SNAP25: variants seen among roughly 807,000 people sequenced by gnomAD.
SNAP25 encodes synaptosomal-associated protein 25.
A neutral mutation model predicts 28.7 loss-of-function variants in SNAP25; 3 were observed. That is an observed-to-expected ratio of 0.10 (90% CI 0.05 to 0.27). The LOEUF (loss-of-function observed/expected upper bound fraction) is 0.27, where lower values mean the gene tolerates loss of function less well. SNAP25 is among the 10% of genes least tolerant of loss of function. SNAP25 has a pLI of 1.00. For synonymous variants in SNAP25, 61 were observed against 88.1 expected, an observed-to-expected ratio of 0.69 and a Z score of 1.72; for missense variants, 117 against 278.7, an observed-to-expected ratio of 0.42 and a Z score of 4.13.
At chr20:10,297,998 AC>A (rs1436505787) in intron 6 of SNAP25, among the ~76,000 whole-genome samples, 1 of 151,730 alleles carries the variant, frequency 6.6e-6, no homozygotes, top group Non-Finnish European at 1.5e-5. Flanking sequence ...AAAAAAAAAA[AC>A]TCAAGTTACA....
At chr20:10,273,636 C>T (rs546032926) in intron 1 of SNAP25, among the ~76,000 whole-genome samples, 1 of 152,312 alleles carries the variant, frequency 6.6e-6, no homozygotes, top group South Asian at 2.1e-4. Context: ...GACAGGGACA[C>T]ACTTTGTTCT....
intron 4 of SNAP25, 78 bp downstream of exon 4, chr20:10,284,850 A>G (rs2063844713): frequency 1.7e-6 from 2 of 1,187,030 alleles, no homozygotes; most frequent in East Asian, 2.3e-5. Context: ...GCATACGCAG[A>G]TGGTCGCTTT....
chr20:10,286,805 G>T lies in SNAP25; in HGVS notation c.163+2033G>T, dbSNP rs74364460. On this transcript the variant is annotated intron_variant, in intron 4 of 7. Coordinates refer to ENST00000254976, the MANE Select transcript of SNAP25 (RefSeq NM_130811.4). ...TCCTTCAATTTTCACAATACAAATT[G>T]TCAAAAGTTGTACACAAATAACAAA... is the stretch of plus-strand genomic sequence containing the variant. Among the ~76,000 whole-genome samples, 33 of 152,136 alleles carry T rather than the reference G, an allele frequency of 2.2e-4. No individual in the cohort carries two copies. In the East Asian group the frequency reaches 6.0e-3, roughly 28 times the overall value.
At chr20:10,289,957 A>G (rs2063962906) in intron 4 of SNAP25, among the ~76,000 whole-genome samples, 1 of 151,964 alleles carries the variant, frequency 6.6e-6, no homozygotes, top group Non-Finnish European at 1.5e-5. Context: ...TCTGGCCCCA[A>G]CATATAGTGT....
At chr20:10,263,175 T>C (rs1171743963) in intron 1 of SNAP25, among the ~76,000 whole-genome samples, 1 of 151,926 alleles carries the variant, frequency 6.6e-6, no homozygotes, top group Non-Finnish European at 1.5e-5. Flanking sequence ...CCCGCCACCA[T>C]GCCCGGCTAA....
chr20:10,240,645 C>T (rs918324733), intron 1 of SNAP25, among the ~76,000 whole-genome samples: 1 of 152,192 alleles, frequency 6.6e-6, no homozygotes, highest in Admixed American at 6.5e-5. Context: ...GAGCCTTGGT[C>T]CACATCACAC....
intron 2 of SNAP25, among the ~76,000 whole-genome samples, chr20:10,276,475 A>C (rs754121173): frequency 2.2e-4 from 34 of 152,252 alleles, no homozygotes; most frequent in Admixed American, 5.2e-4. Context: ...TATGAATAAC[A>C]CAAAAAGAGG....
chr20:10,271,886 G>T (rs929223211), intron 1 of SNAP25, among the ~76,000 whole-genome samples: 1 of 152,182 alleles, frequency 6.6e-6, no homozygotes, highest in Non-Finnish European at 1.5e-5. Flanking sequence ...AAGGTCAATG[G>T]CTTGCTTAGG....
chr20:10,274,265 C>A (rs59407431), intron 1 of SNAP25, among the ~76,000 whole-genome samples: 15,182 of 151,986 alleles, frequency 0.1, 968 homozygotes, highest in East Asian at 0.18. Context: ...AAGGACCCAC[C>A]CTCTTTGGAG....
chr20:10,267,677 G>A (rs1172343662), intron 1 of SNAP25, among the ~76,000 whole-genome samples: 1 of 151,896 alleles, frequency 6.6e-6, no homozygotes, highest in Non-Finnish European at 1.5e-5. Context: ...TCAGCCTCCC[G>A]AGTGCCTGGG....
In SNAP25 at chr20:10,302,530, C is replaced by T. The variant is rs369213125; in HGVS notation, c.552+3118C>T. Among the ~76,000 whole-genome samples the T allele has an allele frequency of 3.3e-4, 51 of 152,290 alleles. 1 individual carries two copies. Among genetic ancestry groups the T allele is most frequent in the African/African-American group, 1.1e-3 (47 of 41,560 alleles). Reference sequence around the variant, plus strand: ...CATGGTCTGAAGTTGAAGAGATTCCCGGAGCGTTCAGAAGATGGGCTGAAC... The same window carrying T: ...CATGGTCTGAAGTTGAAGAGATTCCTGGAGCGTTCAGAAGATGGGCTGAAC... On this transcript the variant is annotated intron_variant, in intron 7 of 7. Coordinates refer to ENST00000254976, the MANE Select transcript of SNAP25 (RefSeq NM_130811.4).
At chr20:10,222,619 G>C (rs566233425) in intron 1 of SNAP25, among the ~76,000 whole-genome samples, 1 of 152,290 alleles carries the variant, frequency 6.6e-6, no homozygotes, top group South Asian at 2.1e-4. Flanking sequence ...CTCTAAAGTT[G>C]ATTTCTGAGC....
At chr20:10,295,936 T>C (rs906893478) in intron 5 of SNAP25, among the ~76,000 whole-genome samples, 1 of 152,154 alleles carries the variant, frequency 6.6e-6, no homozygotes, top group African/African-American at 2.4e-5. Context: ...TCTCCTCCAT[T>C]ACAACCCCAG....
At chr20:10,283,040 C>T (rs1351967161) in intron 3 of SNAP25, among the ~76,000 whole-genome samples, 2 of 152,160 alleles carry the variant, frequency 1.3e-5, no homozygotes, top group Non-Finnish European at 2.9e-5. Flanking sequence ...TCAGAATCTA[C>T]ATTTTACAAG....
At chr20:10,231,845 TA>T (rs1389594517) in intron 1 of SNAP25, among the ~76,000 whole-genome samples, 9 of 152,186 alleles carry the variant, frequency 5.9e-5, no homozygotes, top group African/African-American at 2.2e-4. Flanking sequence ...TTACAAAATC[TA>T]AAAATATCTG....
At chr20:10,287,307 T>A (rs1355377608) in intron 4 of SNAP25, among the ~76,000 whole-genome samples, 4 of 151,240 alleles carry the variant, frequency 2.6e-5, no homozygotes, top group Non-Finnish European at 4.4e-5. Context: ...CAAACAAATT[T>A]ACAAGAAAAA....
chr20:10,291,419 T>C (rs533903826), intron 4 of SNAP25, among the ~76,000 whole-genome samples: 1 of 152,262 alleles, frequency 6.6e-6, no homozygotes, highest in East Asian at 1.9e-4. Context: ...GTGCCTGTAT[T>C]TATTCGGCAA....
In SNAP25 at chr20:10,242,054, G is replaced by A. The variant is rs363041; in HGVS notation, c.-64+23077G>A. 7.6e-4 allele frequency among the ~76,000 whole-genome samples: 115 copies of A among 152,280 alleles called. 1 individual carries two copies. In the East Asian group the frequency reaches 0.019, roughly 25 times the overall value. On this transcript the variant is annotated intron_variant, in intron 1 of 7. Coordinates refer to ENST00000254976, the MANE Select transcript of SNAP25 (RefSeq NM_130811.4). ...CTGGACAGTAATGGCCAGCGGGTGC[G>A]CACCATGGGAGCTGCTGGAGAACCC...
intron 1 of SNAP25, among the ~76,000 whole-genome samples, chr20:10,227,187 G>A (rs1048552677): frequency 5.9e-5 from 9 of 152,212 alleles, no homozygotes; most frequent in African/African-American, 2.2e-4. Flanking sequence ...CCTACTTCTA[G>A]AAATTCACCT....
Sources: gnomAD v4.1 joint callset for allele counts (sites outside exome capture counted in the v4.1 genomes callset) on GRCh38, gnomAD v4.1.1 for gene constraint, MANE v1.5 for transcripts, NCBI Gene and HGNC (gene_info 2026-07-23, HGNC 2026-07-21) for gene names.